ZNF664: variants seen among roughly 807,000 people sequenced by gnomAD.
ZNF664 encodes zinc finger protein 664.
ZNF664 carries 10 observed loss-of-function variants against 18.2 expected under a neutral mutation model. The ratio of observed to expected loss-of-function variants is 0.55; its 90% CI spans 0.34 to 0.93. ZNF664 has a LOEUF of 0.93. Ranked by LOEUF, ZNF664 falls within the 40% of genes least tolerant of loss-of-function variation. The pLI is 0.02. For missense variants in ZNF664, 193 were observed against 319.0 expected (o/e 0.61, Z 3.01); for synonymous variants, 119 against 104.2 (o/e 1.14, Z -0.86).
Position 123,973,325 on chromosome 12 carries a change from C to A in ZNF664, c.-919C>A, listed in dbSNP as rs1956616713. 2 of 848,908 alleles carry A rather than the reference C, an allele frequency of 2.4e-6. No individual in the cohort carries two copies. The highest frequency in any genetic ancestry group is 1.1e-4 in the South Asian group (2 of 18,498). The allele number at this position is 848,908 out of a possible 1,614,324, so 52.6% of individuals were successfully genotyped here. A position where few individuals can be genotyped will look rare whatever the true frequency, so the allele number is the denominator to read the frequency against. ...GGAGGTGGGTGCGCGGCGCCCGCGG[C>A]CTGGGGCGCTGACTCCCCTCACTTG... On this transcript the variant is annotated 5_prime_UTR_variant, in exon 1 of 5. Coordinates refer to ENST00000337815, the MANE Select transcript of ZNF664 (RefSeq NM_152437.3).
rs1480962068 is a variant in ZNF664, at chr12:124,013,462, C to T, written c.*532C>T. On this transcript the variant is annotated 3_prime_UTR_variant, in exon 5 of 5. Coordinates refer to ENST00000337815, the MANE Select transcript of ZNF664 (RefSeq NM_152437.3). The stretch of plus-strand genomic sequence containing the variant: ...CCTATTATTTCTGAATATATGTCCT[C>T]AAAATCCCCATAAATATCCATCCCT... The T allele has an allele frequency of 5.9e-6, 1 of 170,720 alleles. No individual in the cohort carries two copies. The highest frequency in any genetic ancestry group is 2.4e-5 in the African/African-American group (1 of 41,456). 10.6% of individuals were successfully genotyped at this position (170,720 alleles called of 1,614,324 possible).
At chr12:123,988,180 A>AT in intron 3 of ZNF664, 42 bp downstream of exon 3, 2 of 1,230,624 alleles carry the variant, frequency 1.6e-6, no homozygotes, top group Non-Finnish European at 2.0e-6. Flanking sequence ...TAGATGGAGA[A>AT]TCCCCCTTGA....
chr12:124,007,069 T>C (rs1484259360), intron 3 of ZNF664, among the ~76,000 whole-genome samples: 1 of 152,184 alleles, frequency 6.6e-6, no homozygotes, highest in Non-Finnish European at 1.5e-5. Context: ...TGGAGATCCT[T>C]GCTGTGTGTT....
At chr12:123,981,151 C>T (rs1566195140) in intron 2 of ZNF664, among the ~76,000 whole-genome samples, 1 of 152,084 alleles carries the variant, frequency 6.6e-6, no homozygotes, top group Non-Finnish European at 1.5e-5. Context: ...AATGCAGGTA[C>T]ACAGTGGAGA....
chr12:123,993,011 G>A (rs557735468), intron 3 of ZNF664, among the ~76,000 whole-genome samples: 3 of 152,192 alleles, frequency 2.0e-5, no homozygotes, highest in Admixed American at 6.5e-5. Flanking sequence ...GCACATCTGA[G>A]AAAAAAGGCC....
At chr12:124,000,754 T>C (rs978990927) in intron 3 of ZNF664, among the ~76,000 whole-genome samples, 4 of 152,200 alleles carry the variant, frequency 2.6e-5, no homozygotes, top group African/African-American at 9.7e-5. Flanking sequence ...TCATTCAGTA[T>C]GTGCTCTTCT....
chr12:123,984,730 G>A (rs1015616402), intron 2 of ZNF664, among the ~76,000 whole-genome samples: 9 of 152,012 alleles, frequency 5.9e-5, no homozygotes, highest in African/African-American at 1.9e-4. Context: ...TCAGTTTATC[G>A]TGGGATGATG....
At chr12:124,004,950 TATTTC>T (rs1402471937) in intron 3 of ZNF664, 2 of 168,358 alleles carry the variant, frequency 1.2e-5, no homozygotes, top group African/African-American at 4.8e-5. Context: ...GTTGTATAAT[TATTTC>T]ATTATATATT....
rs546946621 is a variant in ZNF664 at position 124,012,177 on chromosome 12, T to C, written c.33T>C (p.Phe11=). 5.0e-6 allele frequency: 8 copies of C among 1,612,094 alleles called. No homozygotes were observed. In the South Asian group the frequency reaches 8.9e-5, roughly 18 times the overall value. ...ACAAGTGCCCCATGTGTAGGGAATT[T>C]TTCTCTGAGAGAGCAGATCTTTTTA... MIYKCPMCRE[F]FSERADLFMH... is the part of the protein sequence containing the mutation. Residue 11 remains phenylalanine (F), a synonymous_variant, in exon 5 of 5, where the codon TTT becomes TTC. Coordinates refer to ENST00000337815, the MANE Select transcript of ZNF664 (RefSeq NM_152437.3).
At chr12:123,982,028 G>A (rs759919048) in intron 2 of ZNF664, among the ~76,000 whole-genome samples, 12 of 152,206 alleles carry the variant, frequency 7.9e-5, no homozygotes, top group Non-Finnish European at 1.5e-4. Flanking sequence ...CTCTGAGTGG[G>A]TGGTGGAGGT....
chr12:124,011,398 A>G lies in ZNF664; in HGVS notation c.-643A>G, dbSNP rs1006021583. On this transcript the variant is annotated 5_prime_UTR_variant, in exon 4 of 5. Transcript: ENST00000337815. ...TCCTTCAGACCTGCAAATCCAAGAG[A>G]CACATCTTTGGAAGATAAGAGAGCT... 3 of 1,013,464 alleles carry G rather than the reference A, an allele frequency of 3.0e-6. No individual in the cohort carries two copies. The African/African-American group carries it at 5.2e-5, about 18-fold the overall frequency. The allele number at this position is 1,013,464 out of a possible 1,614,324, so 62.8% of individuals were successfully genotyped here. A position where few individuals can be genotyped will look rare whatever the true frequency, so the allele number is the denominator to read the frequency against.
chr12:124,001,533 C>T (rs544500354), intron 3 of ZNF664, among the ~76,000 whole-genome samples: 274 of 152,258 alleles, frequency 1.8e-3, no homozygotes, highest in African/African-American at 5.8e-3. Context: ...GCCTTTCCCT[C>T]GGGTCATGTA....
Position 124,012,747 on chromosome 12 carries a change from T to C in ZNF664, c.603T>C (p.Cys201=). The C allele has an allele frequency of 6.2e-7, 1 of 1,612,622 alleles. No homozygotes were observed. The highest frequency in any genetic ancestry group is 8.5e-7 in the Non-Finnish European group (1 of 1,179,222). Residue 201 remains cysteine (C), a synonymous_variant, in exon 5 of 5, where the codon TGT becomes TGC. Transcript: ENST00000337815. ...ACACTGGAGAGAAACCCTATAGATG[T>C]TGTGGATGTGGGAAGGCCTTCAGTC... ...RVHTGEKPYR[C]CGCGKAFSQS...
At position 124,012,937 on chromosome 12, in the gene ZNF664, T is replaced by C; in HGVS notation, c.*7T>C. 1 of 1,610,124 alleles carries C rather than the reference T, an allele frequency of 6.2e-7. No homozygotes were observed. ...CAAAATATCAGTTATATAAAACGTT[T>C]TGCTAAGAGTTTAAAATCTTAAAAC... On this transcript the variant is annotated 3_prime_UTR_variant, in exon 5 of 5. Transcript: ENST00000337815.
intron 2 of ZNF664, among the ~76,000 whole-genome samples, chr12:123,977,246 A>C (rs953171952): frequency 6.6e-6 from 1 of 152,218 alleles, no homozygotes; most frequent in Non-Finnish European, 1.5e-5. Context: ...GACATTATTT[A>C]ACAAGGTTTG....
intron 3 of ZNF664, among the ~76,000 whole-genome samples, chr12:123,999,780 A>G (rs1956990621): frequency 6.6e-6 from 1 of 152,186 alleles, no homozygotes; most frequent in Non-Finnish European, 1.5e-5. Context: ...CTGGAATTGG[A>G]GGGAGTTCTC....
At chr12:123,994,550 T>C (rs1956925483) in intron 3 of ZNF664, among the ~76,000 whole-genome samples, 1 of 152,226 alleles carries the variant, frequency 6.6e-6, no homozygotes, top group South Asian at 2.1e-4. Flanking sequence ...TCTGCTTCTA[T>C]ATTCAGTCTC....
intron 3 of ZNF664, among the ~76,000 whole-genome samples, chr12:124,002,928 A>T (rs1957030432): frequency 6.6e-6 from 1 of 152,148 alleles, no homozygotes; most frequent in African/African-American, 2.4e-5. Flanking sequence ...GCACCCCAGG[A>T]TTTAGAAGTT....
chr12:124,005,908 A>C (rs528542009), intron 3 of ZNF664: 116 of 152,852 alleles, frequency 7.6e-4, no homozygotes, highest in African/African-American at 2.7e-3. Flanking sequence ...TCTCTTCCTC[A>C]GTTGGTGGTG....
Sources: allele counts gnomAD v4.1 joint callset (sites outside exome capture counted in the v4.1 genomes callset), GRCh38; gene constraint gnomAD v4.1.1; transcripts MANE v1.5; gene names NCBI Gene and HGNC (gene_info 2026-07-23, HGNC 2026-07-21).